Variants in PATJ observed in about 807,000 individuals in gnomAD.
PATJ encodes the protein PATJ crumbs cell polarity complex component.
PATJ carries 190 observed loss-of-function variants against 224.9 expected under a neutral mutation model. The observed-to-expected ratio is 0.84, with a 90% CI of 0.75 to 0.95. PATJ has a LOEUF of 0.95. PATJ is among the 40% of genes least tolerant of loss of function. The probability of loss-of-function intolerance (pLI) is 0.00; values close to 1 mark genes in which losing one functional copy is unlikely to be tolerated. For missense variants in PATJ, 2,121 were observed against 2,270.3 expected (o/e 0.93, Z 1.34); for synonymous variants, 769 against 820.3 (o/e 0.94, Z 1.07).
chr1:61,943,379 G>A (rs1678122389), intron 27 of PATJ, among the ~76,000 whole-genome samples: 1 of 152,130 alleles, frequency 6.6e-6, no homozygotes, highest in Admixed American at 6.5e-5. Flanking sequence ...CTGGAAAATC[G>A]GGACACTCCC....
At chr1:61,943,636 T>C (rs1678185225) in intron 27 of PATJ, among the ~76,000 whole-genome samples, 1 of 152,154 alleles carries the variant, frequency 6.6e-6, no homozygotes, top group Non-Finnish European at 1.5e-5. Context: ...CCTGCCTGCC[T>C]CTGTAGACTC....
intron 27 of PATJ, among the ~76,000 whole-genome samples, chr1:61,935,786 G>A (rs1409086313): frequency 6.7e-6 from 1 of 149,508 alleles, no homozygotes; most frequent in Non-Finnish European, 1.5e-5. Context: ...GTGAGACCCT[G>A]TCTGAAAAAA....
chr1:61,949,235 G>A (rs911457271), intron 27 of PATJ, among the ~76,000 whole-genome samples: 15 of 151,650 alleles, frequency 9.9e-5, no homozygotes, highest in Admixed American at 2.0e-4. Context: ...GAAAAAAAAA[G>A]GAAGCCTGCT....
intron 34 of PATJ, among the ~76,000 whole-genome samples, chr1:62,113,788 A>G (rs1397718837): frequency 6.6e-6 from 1 of 152,204 alleles, no homozygotes; most frequent in African/African-American, 2.4e-5. Context: ...TGTCTCTTTC[A>G]TTGATTTCAC....
In PATJ at chr1:61,972,968, A is replaced by T. The variant is rs148337250; in HGVS notation, c.3671-17200A>T. Among the ~76,000 whole-genome samples, 21 of 152,150 alleles carry T rather than the reference A, an allele frequency of 1.4e-4. No individual in the cohort carries two copies. The East Asian group carries it at 4.0e-3, about 29-fold the overall frequency. On this transcript the variant is annotated intron_variant, in intron 27 of 43. Coordinates refer to ENST00000642238, the MANE Select transcript of PATJ (RefSeq NM_001350145.3). ...CCCAAAGACAGTGTTTTTAATAATG[A>T]TGAAACATTTGGATTACCCAAAAAA... is the stretch of plus-strand genomic sequence containing the variant.
intron 30 of PATJ, 62 bp downstream of exon 30, chr1:62,038,111 C>A: frequency 9.7e-7 from 1 of 1,029,918 alleles, no homozygotes; most frequent in Non-Finnish European, 1.4e-6. Flanking sequence ...CATTTTCCCC[C>A]AATCTGACAT....
chr1:61,948,709 A>G lies in PATJ; in HGVS notation c.3670+20880A>G, dbSNP rs535855135. Reference sequence around the variant, plus strand: ...TACCATTTGACCCAGCCATCCCATTACTGGGCATATACCCAAAGGACTATA... The same window carrying G: ...TACCATTTGACCCAGCCATCCCATTGCTGGGCATATACCCAAAGGACTATA... On this transcript the variant is annotated intron_variant, in intron 27 of 43. Transcript: ENST00000642238. Among the ~76,000 whole-genome samples the G allele has an allele frequency of 7.9e-5, 12 of 152,356 alleles. No individual in the cohort carries two copies. In the South Asian group the frequency reaches 2.5e-3, roughly 32 times the overall value.
Position 61,912,016 on chromosome 1 carries a change from A to T in PATJ, c.3493-2571A>T, listed in dbSNP as rs184423992. 2.9e-3 allele frequency among the ~76,000 whole-genome samples: 420 copies of T among 144,946 alleles called. 3 individuals are homozygous for T. Among genetic ancestry groups the T allele is most frequent in the African/African-American group, 9.8e-3 (387 of 39,348 alleles). ...TTTCATTCTATATTAATATATATAT[A>T]TTTTTATATTAAAAAATTGGATATC... is the stretch of plus-strand genomic sequence containing the variant. On this transcript the variant is annotated intron_variant, in intron 25 of 43. Coordinates refer to ENST00000642238, the MANE Select transcript of PATJ (RefSeq NM_001350145.3).
At chr1:61,894,307 G>A (rs1670056174) in intron 22 of PATJ, among the ~76,000 whole-genome samples, 2 of 151,820 alleles carry the variant, frequency 1.3e-5, no homozygotes, top group African/African-American at 4.8e-5. Flanking sequence ...ATACAGCAGA[G>A]CATGAAGATA....
chr1:62,011,966 G>A (rs1202325824), intron 28 of PATJ, among the ~76,000 whole-genome samples: 1 of 151,704 alleles, frequency 6.6e-6, no homozygotes. Context: ...GATTGAGGCT[G>A]TAGCGAGCCA....
chr1:61,984,457 C>T (rs570463084), intron 27 of PATJ, among the ~76,000 whole-genome samples: 1 of 152,072 alleles, frequency 6.6e-6, no homozygotes, highest in Non-Finnish European at 1.5e-5. Flanking sequence ...CCCCTGTGCT[C>T]GGCCTTAAGT....
intron 31 of PATJ, among the ~76,000 whole-genome samples, chr1:62,065,684 G>T (rs1259636860): frequency 6.6e-6 from 1 of 152,148 alleles, no homozygotes; most frequent in Non-Finnish European, 1.5e-5. Flanking sequence ...GTCCAATGTG[G>T]AGACTGATTC....
intron 33 of PATJ, among the ~76,000 whole-genome samples, chr1:62,090,402 G>A (rs1442889491): frequency 2.0e-5 from 3 of 152,062 alleles, no homozygotes; most frequent in Non-Finnish European, 2.9e-5. Context: ...TCACACAGTC[G>A]TTCAAGTTAA....
At chr1:61,998,005 T>A (rs561935088) in intron 28 of PATJ, among the ~76,000 whole-genome samples, 3 of 103,256 alleles carry the variant, frequency 2.9e-5, no homozygotes, top group East Asian at 3.0e-4. Context: ...TATAATATAT[T>A]ATATATATTA....
chr1:61,892,157 C>T (rs1669694080), intron 22 of PATJ, among the ~76,000 whole-genome samples: 1 of 152,104 alleles, frequency 6.6e-6, no homozygotes, highest in South Asian at 2.1e-4. Context: ...CACTAGTGCC[C>T]ATTCTTTTTG....
At chr1:62,033,153 A>G (rs7537323) in intron 29 of PATJ, among the ~76,000 whole-genome samples, 60,504 of 152,108 alleles carry the variant, frequency 0.4, 12,848 homozygotes, top group African/African-American at 0.55. Context: ...ACTTAGCTGC[A>G]TTCTTCACTA....
chr1:61,963,875 T>C (rs955422599), intron 27 of PATJ, among the ~76,000 whole-genome samples: 1 of 152,174 alleles, frequency 6.6e-6, no homozygotes, highest in Non-Finnish European at 1.5e-5. Context: ...TTTAGTTGCT[T>C]GCTTATACTT....
At position 61,988,532 on chromosome 1, in the gene PATJ, A is replaced by G. The variant is rs796797646; in HGVS notation, c.3671-1636A>G. Among the ~76,000 whole-genome samples, 3 of 152,270 alleles carry G rather than the reference A, an allele frequency of 2.0e-5. 1 individual carries two copies. The highest frequency in any genetic ancestry group is 4.8e-5 in the African/African-American group (2 of 41,542). On this transcript the variant is annotated intron_variant, in intron 27 of 43. Coordinates refer to ENST00000642238, the MANE Select transcript of PATJ (RefSeq NM_001350145.3). ...TAATATGACTTAACTCTTTTCCTAT[A>G]TAGTTAACAGTTTTGTGATCTTGCA...
At chr1:61,889,216 C>A (rs72676229) in intron 22 of PATJ, among the ~76,000 whole-genome samples, 3,369 of 152,240 alleles carry the variant, frequency 0.022, 63 homozygotes, top group Non-Finnish European at 0.033. Flanking sequence ...TGTGTGTCTA[C>A]GTGCGTGTGA....
Sources: gnomAD v4.1 joint callset for allele counts (sites outside exome capture counted in the v4.1 genomes callset) on GRCh38, gnomAD v4.1.1 for gene constraint, MANE v1.5 for transcripts, NCBI Gene and HGNC (gene_info 2026-07-23, HGNC 2026-07-21) for gene names.